The following PAX2 variants were observed in gnomAD, a reference collection of about 807,000 sequenced individuals.
PAX2 encodes the protein paired box 2.
Under a neutral mutation model 41.7 loss-of-function variants are expected in PAX2, and 9 were observed. The observed-to-expected ratio is 0.22, with a 90% CI of 0.13 to 0.38. PAX2 has a LOEUF of 0.38. PAX2 is among the 10% of genes least tolerant of loss of function. The pLI, the probability that PAX2 is intolerant of heterozygous loss-of-function variation, is 1.00. For synonymous variants in PAX2, 221 were observed against 212.7 expected (o/e 1.04, Z -0.34); for missense variants, 418 against 531.6 (o/e 0.79, Z 2.10).
At chr10:100,783,614 G>T (rs1846723449) in intron 5 of PAX2, among the ~76,000 whole-genome samples, 1 of 151,182 alleles carries the variant, frequency 6.6e-6, no homozygotes, top group African/African-American at 2.4e-5. Flanking sequence ...ACAGGTTAGG[G>T]CCACAGGATA....
Position 100,749,755 on chromosome 10 carries a change from G to A in PAX2, c.53G>A (p.Gly18Glu), listed in dbSNP as rs954349973. ...TCTTGTCTCTCCCCAGCAGGGCACGGGGGTGTGAACCAGCTCGGGGGGGTG... is the reference window on the plus strand; with the variant it reads ...TCTTGTCTCTCCCCAGCAGGGCACGAGGGTGTGAACCAGCTCGGGGGGGTG... Reference protein sequence around the residue: ...DPFSAMHPGHGGVNQLGGVFV... With the variant: ...DPFSAMHPGHEGVNQLGGVFV... The change falls in exon 2 of 10, where the codon GGG (glycine) becomes GAG (glutamate). Residue 18 changes from glycine (G) to glutamate (E), a missense_variant. Around this residue, in one of 2 missense-constraint regions of PAX2, gnomAD observed 108 missense variants for 206.3 expected, o/e 0.52. Coordinates refer to ENST00000355243, the MANE Select transcript of PAX2 (RefSeq NM_000278.5). 1 of 1,610,968 alleles carries A rather than the reference G, an allele frequency of 6.2e-7. No homozygotes were observed. Among genetic ancestry groups the A allele is most frequent in the Non-Finnish European group, 8.5e-7 (1 of 1,178,222 alleles).
rs753431204 is a variant in PAX2 at position 100,824,757 on chromosome 10, A to G, written c.1021+8A>G. ...TGGCAGGAATGGTGCCTGGTAGGTG[A>G]CAATGCTGCAGCTGCCTAATCTAGG... On this transcript the variant is annotated splice_region_variant and intron_variant, in intron 8 of 9. Transcript: ENST00000355243. This position sits in a 1 kb window ranked among gnomAD's most constrained non-coding sequence, Gnocchi z 6.6. The G allele has an allele frequency of 6.3e-7, 1 of 1,583,510 alleles. No individual in the cohort carries two copies. The highest frequency in any genetic ancestry group is 1.1e-5 in the South Asian group (1 of 90,440).
intron 5 of PAX2, among the ~76,000 whole-genome samples, chr10:100,804,213 T>C (rs1443655037): frequency 6.6e-6 from 1 of 151,342 alleles, no homozygotes; most frequent in East Asian, 1.9e-4. Context: ...CCTGAATAAA[T>C]GAAGGCAAAG....
intron 3 of PAX2, among the ~76,000 whole-genome samples, chr10:100,753,203 A>C (rs971482157): frequency 6.6e-6 from 1 of 152,198 alleles, no homozygotes; most frequent in African/African-American, 2.4e-5. Context: ...CTTTGTCTAC[A>C]AGGAGCAGGA....
chr10:100,748,874 A>G lies in PAX2; in HGVS notation c.44-872A>G. ...GCGCCCCGAGAGTTATTAACTCGCC[A>G]GCGAGGCCTATGCCGTGCCACCTGG... On this transcript the variant is annotated intron_variant, in intron 1 of 9. Coordinates refer to ENST00000355243, the MANE Select transcript of PAX2 (RefSeq NM_000278.5). This position sits in a 1 kb window ranked among gnomAD's most constrained non-coding sequence, Gnocchi z 5.0. The G allele has an allele frequency of 1.0e-6, 1 of 985,340 alleles. No homozygotes were observed. The highest frequency in any genetic ancestry group is 1.7e-5 in the African/African-American group (1 of 57,310). The allele number at this position is 985,340 out of a possible 1,614,324, so 61.0% of individuals were successfully genotyped here.
intron 5 of PAX2, among the ~76,000 whole-genome samples, chr10:100,800,423 G>A (rs1589871978): frequency 6.6e-6 from 1 of 151,746 alleles, no homozygotes; most frequent in African/African-American, 2.4e-5. Flanking sequence ...AGCCACAGGT[G>A]CATACAACTA....
At chr10:100,781,111 A>T in intron 4 of PAX2, 135 bp from the exon 5 acceptor site, 1 of 840,642 alleles carries the variant, frequency 1.2e-6, no homozygotes, top group Non-Finnish European at 2.1e-6. Context: ...GAAGTAGAGG[A>T]ATGAGAGGAA....
At chr10:100,763,673 C>T (rs886725859) in intron 3 of PAX2, among the ~76,000 whole-genome samples, 2 of 152,224 alleles carry the variant, frequency 1.3e-5, no homozygotes, top group Non-Finnish European at 2.9e-5. Context: ...TTAAGGGAGA[C>T]TGTCAGGTTC....
chr10:100,808,206 G>A (rs933192374), intron 6 of PAX2, among the ~76,000 whole-genome samples: 13 of 152,250 alleles, frequency 8.5e-5, no homozygotes, highest in African/African-American at 3.1e-4. Flanking sequence ...AAATCAGGGG[G>A]CAGCTTCACC....
At chr10:100,815,553 C>T (rs556749601) in intron 7 of PAX2, among the ~76,000 whole-genome samples, 19 of 152,322 alleles carry the variant, frequency 1.2e-4, no homozygotes, top group East Asian at 7.7e-4. Context: ...CCCCAAGGAC[C>T]TCCAGCCCCC....
chr10:100,827,069 G>C lies in PAX2; in HGVS notation c.1082G>C (p.Trp361Ser). The C allele has an allele frequency of 6.2e-7, 1 of 1,613,532 alleles. No homozygotes were observed. The change falls in exon 9 of 10, where the codon TGG becomes TCG. Residue 361 changes from tryptophan (W) to serine (S), a missense_variant. Coordinates refer to ENST00000355243, the MANE Select transcript of PAX2 (RefSeq NM_000278.5). The surrounding 1 kb of genome is among the most constrained non-coding windows in gnomAD (Gnocchi z 8.5). Reference protein sequence around the residue: ...HPQYTAYNEAWRFSNPALLSS... With the variant: ...HPQYTAYNEASRFSNPALLSS... ...CAGTACACGGCCTACAACGAGGCTT[G>C]GAGATTCAGCAACCCCGCCTTACTA... is the stretch of plus-strand genomic sequence containing the variant.
intron 1 of PAX2, chr10:100,747,669 G>C (rs561809890): frequency 3.0e-6 from 3 of 984,632 alleles, no homozygotes; most frequent in African/African-American, 3.5e-5. Context: ...CGGGGGTTGG[G>C]GGGGGCGTTT....
In PAX2 at chr10:100,809,787, G is replaced by C. The variant is rs1179765576; in HGVS notation, c.919+551G>C. Among the ~76,000 whole-genome samples, 4 of 152,220 alleles carry C rather than the reference G, an allele frequency of 2.6e-5. No individual in the cohort carries two copies. In the East Asian group the frequency reaches 7.7e-4, roughly 29 times the overall value. ...TTCCTCCTGCTTCCCAGAGAGGTCA[G>C]TGACACCAAGGCTTGATTTCAAGGC... On this transcript the variant is annotated intron_variant, in intron 7 of 9. Coordinates refer to ENST00000355243, the MANE Select transcript of PAX2 (RefSeq NM_000278.5).
chr10:100,737,900 A>T (rs894073158), intron 1 of PAX2, among the ~76,000 whole-genome samples: 1 of 152,218 alleles, frequency 6.6e-6, no homozygotes, highest in Admixed American at 6.5e-5. Context: ...AGTCTCGCTG[A>T]GCCTGTTCCG....
intron 7 of PAX2, among the ~76,000 whole-genome samples, chr10:100,820,985 T>C (rs1258009258): frequency 2.6e-5 from 4 of 152,232 alleles, no homozygotes; most frequent in African/African-American, 9.6e-5. Flanking sequence ...GCTGTGCTGT[T>C]GTACAGTTTT....
chr10:100,770,468 G>A (rs987033954), intron 3 of PAX2, among the ~76,000 whole-genome samples: 10 of 152,160 alleles, frequency 6.6e-5, no homozygotes, highest in Non-Finnish European at 1.5e-4. Flanking sequence ...TTTCCAAATG[G>A]TTAGTTAAAC....
At chr10:100,822,599 C>CA (rs2133980829) in intron 7 of PAX2, among the ~76,000 whole-genome samples, 1 of 152,196 alleles carries the variant, frequency 6.6e-6, no homozygotes, top group East Asian at 1.9e-4. Flanking sequence ...CATCAGGGCT[C>CA]ATATATTATG....
In PAX2 at chr10:100,750,500, C is replaced by T. The variant is rs1845399955; in HGVS notation, c.213-194C>T. 6.6e-6 allele frequency among the ~76,000 whole-genome samples: 1 copy of T among 152,182 alleles called. No homozygotes were observed. Among genetic ancestry groups the T allele is most frequent in the African/African-American group, 2.4e-5 (1 of 41,460 alleles). On this transcript the variant is annotated intron_variant, in intron 2 of 9. Transcript: ENST00000355243. The surrounding 1 kb of genome is among the most constrained non-coding windows in gnomAD (Gnocchi z 4.1). ...GGCCGTCTCCCTGGAGGGATGGTAC[C>T]CCTTGTCCTCCTACTCCGCGGCGCT... is the stretch of plus-strand genomic sequence containing the variant.
intron 8 of PAX2, among the ~76,000 whole-genome samples, chr10:100,825,780 G>T (rs1045520013): frequency 6.6e-6 from 1 of 152,160 alleles, no homozygotes; most frequent in Admixed American, 6.5e-5. Flanking sequence ...ATTGCTGCTG[G>T]GTCTTATGGA....
Sources: gnomAD v4.1 joint callset for allele counts (sites outside exome capture counted in the v4.1 genomes callset) on GRCh38, gnomAD v4.1.1 for gene constraint, gnomAD v4.1.1 regional missense constraint, Gnocchi (gnomAD v3.1) non-coding constraint, MANE v1.5 for transcripts, NCBI Gene and HGNC (gene_info 2026-07-23, HGNC 2026-07-21) for gene names.